The following RAI14 variants were observed in gnomAD, a reference collection of about 807,000 sequenced individuals.
The protein encoded by RAI14 is retinoic acid induced 14.
RAI14 carries 45 observed loss-of-function variants against 115.4 expected under a neutral mutation model. The observed-to-expected ratio is 0.39, with a 90% CI of 0.31 to 0.50. RAI14 has a LOEUF of 0.50. Among genes scored for constraint, RAI14 ranks in the 20% least tolerant of loss-of-function variants. The pLI is 0.85. For missense variants in RAI14, 939 were observed against 1,131.2 expected, an observed-to-expected ratio of 0.83 and a Z score of 2.44; for synonymous variants, 371 against 415.4, an observed-to-expected ratio of 0.89 and a Z score of 1.30.
intron 2 of RAI14, among the ~76,000 whole-genome samples, chr5:34,755,488 C>G (rs1016331088): frequency 1.3e-5 from 2 of 152,098 alleles, no homozygotes; most frequent in Non-Finnish European, 2.9e-5. Flanking sequence ...ATTTCCAGTG[C>G]TCAGTAGCCA....
At chr5:34,671,036 A>G (rs1282008179) in intron 1 of RAI14, among the ~76,000 whole-genome samples, 1 of 152,194 alleles carries the variant, frequency 6.6e-6, no homozygotes, top group Non-Finnish European at 1.5e-5. Context: ...TTCAGCCTCC[A>G]CTACAGAAAA....
Position 34,808,663 on chromosome 5 carries a change from C to T in RAI14, c.450+9C>T. 1 of 1,612,752 alleles carries T rather than the reference C, an allele frequency of 6.2e-7. No homozygotes were observed. Among genetic ancestry groups the T allele is most frequent in the Non-Finnish European group, 8.5e-7 (1 of 1,178,796 alleles). On this transcript the variant is annotated intron_variant, in intron 7 of 17. Coordinates refer to ENST00000265109, the MANE Select transcript of RAI14 (RefSeq NM_015577.3). ...TAAACCTCAAAGATTTGGTAAGTAC[C>T]AGGTGGTCACTAGAGGCAGAGGTAG...
intron 3 of RAI14, among the ~76,000 whole-genome samples, chr5:34,780,981 A>C (rs113666679): frequency 0.22 from 33,567 of 152,008 alleles, 5,020 homozygotes; most frequent in Non-Finnish European, 0.31. Context: ...AAATGTCCAT[A>C]AATGATAGAC....
chr5:34,819,092 C>T (rs1222874903), intron 13 of RAI14, among the ~76,000 whole-genome samples: 1 of 151,942 alleles, frequency 6.6e-6, no homozygotes, highest in Non-Finnish European at 1.5e-5. Flanking sequence ...TTCATTTGTC[C>T]CAAACTACAT....
intron 2 of RAI14, among the ~76,000 whole-genome samples, chr5:34,726,109 C>T (rs1743432078): frequency 6.6e-6 from 1 of 152,086 alleles, no homozygotes; most frequent in Non-Finnish European, 1.5e-5. Flanking sequence ...GACACGGTGG[C>T]TCATGCGTAT....
rs549719102 is a variant in RAI14 at position 34,805,290 on chromosome 5, C to A, written c.321+1514C>A. 5.9e-5 allele frequency among the ~76,000 whole-genome samples: 9 copies of A among 152,256 alleles called. No individual in the cohort carries two copies. The South Asian group carries it at 1.9e-3, about 32-fold the overall frequency. On this transcript the variant is annotated intron_variant, in intron 5 of 17. Coordinates refer to ENST00000265109, the MANE Select transcript of RAI14 (RefSeq NM_015577.3). ...CTCCTGTTGGGCTGTTTTCCCAGGT[C>A]CTGTTCCTCTTTGCACTCTAGCCAG... is the stretch of plus-strand genomic sequence containing the variant.
intron 2 of RAI14, among the ~76,000 whole-genome samples, chr5:34,731,289 A>T (rs1430749324): frequency 6.6e-6 from 1 of 152,204 alleles, no homozygotes; most frequent in African/African-American, 2.4e-5. Flanking sequence ...GTAAATTGAG[A>T]AAATATACTC....
chr5:34,707,850 A>T (rs1254321682), intron 2 of RAI14, among the ~76,000 whole-genome samples: 2 of 152,184 alleles, frequency 1.3e-5, no homozygotes, highest in Non-Finnish European at 2.9e-5. Context: ...ACATTTCCTT[A>T]AGCACATGGC....
intron 3 of RAI14, among the ~76,000 whole-genome samples, chr5:34,786,749 G>T (rs566973327): frequency 3.9e-5 from 6 of 152,088 alleles, no homozygotes; most frequent in Non-Finnish European, 8.8e-5. Context: ...ACCACTTGCC[G>T]AGACCAGCTC....
At chr5:34,744,459 G>T (rs1029423373) in intron 2 of RAI14, among the ~76,000 whole-genome samples, 7 of 152,254 alleles carry the variant, frequency 4.6e-5, no homozygotes, top group African/African-American at 1.7e-4. Context: ...TCCCAGTCTT[G>T]ATACCAGCAG....
chr5:34,805,506 C>T (rs111879143), intron 5 of RAI14, among the ~76,000 whole-genome samples: 3,285 of 152,284 alleles, frequency 0.022, 114 homozygotes, highest in African/African-American at 0.072. Context: ...TTCCTTCTCA[C>T]GGCAATGAGC....
At chr5:34,671,292 T>C (rs983444339) in intron 1 of RAI14, among the ~76,000 whole-genome samples, 3 of 152,178 alleles carry the variant, frequency 2.0e-5, no homozygotes, top group Admixed American at 1.3e-4. Flanking sequence ...ATAGTTGAGT[T>C]TGCACACACT....
chr5:34,780,676 C>A (rs1292423712), intron 3 of RAI14, among the ~76,000 whole-genome samples: 1 of 152,118 alleles, frequency 6.6e-6, no homozygotes, highest in Admixed American at 6.6e-5. Context: ...TAATGAGATA[C>A]CATCTCACAC....
chr5:34,715,961 A>T (rs1741930818), intron 2 of RAI14: 1 of 331,396 alleles, frequency 3.0e-6, no homozygotes, highest in Non-Finnish European at 5.8e-6. Context: ...AAAAAAGAAA[A>T]AGCATTTCCT....
chr5:34,685,784 T>C (rs995814729), intron 1 of RAI14: 8 of 152,164 alleles, frequency 5.3e-5, no homozygotes, highest in African/African-American at 1.9e-4. Context: ...TAGAATCCAG[T>C]GAAAACTCAG....
intron 2 of RAI14, among the ~76,000 whole-genome samples, chr5:34,725,620 G>A (rs921358510): frequency 6.6e-6 from 1 of 151,842 alleles, no homozygotes; most frequent in African/African-American, 2.4e-5. Context: ...ACAACTCACA[G>A]CTACTAACTG....
rs1748854348 is a variant in RAI14, at chr5:34,762,931, G to C, written c.167+5333G>C. 4.9e-4 allele frequency among the ~76,000 whole-genome samples: 4 copies of C among 8,152 alleles called. No individual in the cohort carries two copies. The South Asian group carries it at 0.029, about 59-fold the overall frequency. The allele number at this position is 8,152 out of a possible 152,430, so 5.3% of individuals were successfully genotyped here. On this transcript the variant is annotated intron_variant, in intron 3 of 17. Coordinates refer to ENST00000265109, the MANE Select transcript of RAI14 (RefSeq NM_015577.3). ...GTGTAGATATAAGGAGTGTGTGCAT[G>C]TGTGTGTGTGTGTGTGTGTGTGTGT...
intron 2 of RAI14, among the ~76,000 whole-genome samples, chr5:34,725,433 C>T (rs1186552438): frequency 6.6e-6 from 1 of 151,956 alleles, no homozygotes; most frequent in Non-Finnish European, 1.5e-5. Context: ...ACAAAGTACA[C>T]TTAAATTAGA....
At chr5:34,813,353 T>C (rs968618404) in intron 10 of RAI14, among the ~76,000 whole-genome samples, 1 of 152,236 alleles carries the variant, frequency 6.6e-6, no homozygotes, top group Non-Finnish European at 1.5e-5. Flanking sequence ...TGGTTTTGTC[T>C]CATGTGTTTT....
Sources: gnomAD v4.1 joint callset for allele counts (sites outside exome capture counted in the v4.1 genomes callset) on GRCh38, gnomAD v4.1.1 for gene constraint, MANE v1.5 for transcripts, NCBI Gene and HGNC (gene_info 2026-07-23, HGNC 2026-07-21) for gene names.